Variants in TMEM123 observed in about 807,000 individuals in gnomAD.
TMEM123 encodes transmembrane protein 123, also known as porimin.
A neutral mutation model predicts 19.7 loss-of-function variants in TMEM123; 16 were observed. The ratio of observed to expected loss-of-function variants is 0.81; its 90% CI spans 0.55 to 1.23. TMEM123 has a LOEUF of 1.23. Ranked by LOEUF, TMEM123 falls within the 50% of genes most tolerant of loss-of-function variation. The pLI is 0.00. For missense variants in TMEM123, 313 were observed against 257.8 expected (o/e 1.21, Z -1.47); for synonymous variants, 118 against 99.4 (o/e 1.19, Z -1.12).
At chr11:102,448,391 T>C (rs2135867568) in intron 2 of TMEM123, 1 of 424,318 alleles carries the variant, frequency 2.4e-6, no homozygotes, top group Non-Finnish European at 4.7e-6. Context: ...GGGTGAAATG[T>C]AAGTAGGGTC....
rs777424940 is a variant in TMEM123 at position 102,402,204 on chromosome 11, T to A, written c.160A>T (p.Thr54Ser). ...PHNSSANSTE[T>S]LQHVPSDHTN... ...TGGTCAGAAGGCACATGTTGGAGAGTCTCTGCAATAATATCAAGAAACATT... is the reference window on the plus strand; with the variant it reads ...TGGTCAGAAGGCACATGTTGGAGAGACTCTGCAATAATATCAAGAAACATT... The change falls in exon 3 of 5, where the codon ACT becomes TCT. Residue 54 changes from threonine to serine, a missense_variant and splice_region_variant. Transcript: ENST00000398136. 1 of 1,612,688 alleles carries A rather than the reference T, an allele frequency of 6.2e-7. No individual in the cohort carries two copies. The highest frequency in any genetic ancestry group is 1.3e-5 in the African/African-American group (1 of 74,774).
At chr11:102,407,897 A>G (rs1951969689) in intron 2 of TMEM123, among the ~76,000 whole-genome samples, 2 of 152,204 alleles carry the variant, frequency 1.3e-5, no homozygotes, top group African/African-American at 4.8e-5. Flanking sequence ...AGCCCAAGCA[A>G]ATTAATACAC....
chr11:102,424,257 C>T (rs1952107956), intron 2 of TMEM123, among the ~76,000 whole-genome samples: 1 of 152,202 alleles, frequency 6.6e-6, no homozygotes. Flanking sequence ...GTAACTGTCT[C>T]ACAAGACTAT....
Position 102,401,652 on chromosome 11 carries a change from T to G in TMEM123, c.489A>C (p.Lys163Asn), listed in dbSNP as rs531201819. 6.2e-7 allele frequency: 1 copy of G among 1,607,192 alleles called. No individual in the cohort carries two copies. Among genetic ancestry groups the G allele is most frequent in the Non-Finnish European group, 8.5e-7 (1 of 1,178,456 alleles). The change falls in exon 4 of 5, where the codon AAA becomes AAC. Residue 163 changes from lysine (K) to asparagine (N), a missense_variant. Transcript: ENST00000398136. ...TMHSEAKKGSKFDTGSFVGGI... is the reference protein window; with the variant it reads ...TMHSEAKKGSNFDTGSFVGGI... ...CACCAACAAAGCTCCCAGTATCAAA[T>G]TTTGATCCTTTCTTTGCTTCAGAAT...
rs187188184 is a variant in TMEM123 at position 102,424,247 on chromosome 11, G to A, written c.158-22041C>T. Among the ~76,000 whole-genome samples, 22 of 152,326 alleles carry A rather than the reference G, an allele frequency of 1.4e-4. 1 individual carries two copies. The highest frequency in any genetic ancestry group is 7.7e-4 in the East Asian group (4 of 5,188). ...TATTTATAAAGAAACCTCTGAGCAT[G>A]TAACTGTCTCACAAGACTATGATTA... is the stretch of plus-strand genomic sequence containing the variant. On this transcript the variant is annotated intron_variant, in intron 2 of 4. Transcript: ENST00000398136.
rs1434001147 is a variant in TMEM123 at position 102,397,933 on chromosome 11, A to T, written c.*934T>A. On this transcript the variant is annotated 3_prime_UTR_variant, in exon 5 of 5. Coordinates refer to ENST00000398136, the MANE Select transcript of TMEM123 (RefSeq NM_052932.3). ...CTTAAAGTTAGGTGTGTTTACACTC[A>T]ATTAAAAATTTCTAGATATTGAAAG... 1 of 152,226 alleles carries T rather than the reference A, an allele frequency of 6.6e-6. No individual in the cohort carries two copies. Among genetic ancestry groups the T allele is most frequent in the Non-Finnish European group, 1.5e-5 (1 of 68,034 alleles). The allele number at this position is 152,226 out of a possible 1,614,324, so 9.4% of individuals were successfully genotyped here. A position where few individuals can be genotyped will look rare whatever the true frequency, so the allele number is the denominator to read the frequency against.
At chr11:102,409,589 G>A (rs546884878) in intron 2 of TMEM123, among the ~76,000 whole-genome samples, 200 of 152,154 alleles carry the variant, frequency 1.3e-3, no homozygotes, top group Non-Finnish European at 2.4e-3. Flanking sequence ...TAGACAGGCC[G>A]GGTGTGGTGG....
At chr11:102,434,133 G>A (rs937197708) in intron 2 of TMEM123, among the ~76,000 whole-genome samples, 1 of 151,826 alleles carries the variant, frequency 6.6e-6, no homozygotes, top group Non-Finnish European at 1.5e-5. Context: ...GGATCACATG[G>A]TAATTCTATT....
chr11:102,426,959 T>C (rs1039405682), intron 2 of TMEM123, among the ~76,000 whole-genome samples: 1 of 149,112 alleles, frequency 6.7e-6, no homozygotes, highest in Admixed American at 6.8e-5. Context: ...TGAAGTTCTA[T>C]AGTTGGGATA....
At chr11:102,448,769 C>A in intron 2 of TMEM123, 43 bp downstream of exon 2, 1 of 1,587,476 alleles carries the variant, frequency 6.3e-7, no homozygotes, top group South Asian at 1.1e-5. Flanking sequence ...TTCATGTACC[C>A]TAGACAAATG....
intron 2 of TMEM123, among the ~76,000 whole-genome samples, chr11:102,427,405 G>A (rs1199648031): frequency 1.3e-5 from 2 of 151,212 alleles, no homozygotes; most frequent in African/African-American, 4.9e-5. Context: ...AAGTGGAAGA[G>A]AAGGCAGAAG....
chr11:102,418,675 T>A (rs9704655), intron 2 of TMEM123, among the ~76,000 whole-genome samples: 1 of 152,068 alleles, frequency 6.6e-6, no homozygotes. Context: ...ATACCCAAAA[T>A]ATAAATCATT....
chr11:102,443,329 G>A (rs1337363081), intron 2 of TMEM123, among the ~76,000 whole-genome samples: 1 of 152,148 alleles, frequency 6.6e-6, no homozygotes, highest in African/African-American at 2.4e-5. Flanking sequence ...AAACAGCATT[G>A]TACTGGTACC....
chr11:102,438,004 A>G (rs1293719694), intron 2 of TMEM123, among the ~76,000 whole-genome samples: 2 of 151,944 alleles, frequency 1.3e-5, no homozygotes, highest in Non-Finnish European at 2.9e-5. Flanking sequence ...ACTTTTTTCC[A>G]CATCACCCTC....
At chr11:102,448,790 T>C in intron 2 of TMEM123, 22 bp downstream of exon 2, 1 of 1,612,058 alleles carries the variant, frequency 6.2e-7, no homozygotes, top group Non-Finnish European at 8.5e-7. Flanking sequence ...AAAATTTGTT[T>C]TTTTAATCTT....
chr11:102,427,214 T>C (rs923672724), intron 2 of TMEM123, among the ~76,000 whole-genome samples: 1 of 151,964 alleles, frequency 6.6e-6, no homozygotes, highest in South Asian at 2.1e-4. Context: ...TCTTAAACAA[T>C]ACATGCCTTT....
chr11:102,419,454 A>C (rs897950459), intron 2 of TMEM123, among the ~76,000 whole-genome samples: 3 of 152,172 alleles, frequency 2.0e-5, no homozygotes, highest in African/African-American at 7.2e-5. Flanking sequence ...TTTAAATGGT[A>C]CTCTAGCAAG....
chr11:102,401,957 G>GTTACGGTCATTGTGGA lies in TMEM123; in HGVS notation c.391_406dup (p.Thr136IlefsTer9). On this transcript the variant is annotated frameshift_variant, in exon 3 of 5. Transcript: ENST00000398136. LOFTEE classifies it high-confidence loss of function. The stretch of plus-strand genomic sequence containing the variant: ...AGCAGATGTCACTGAACTATTGTGG[G>GTTACGGTCATTGTGGA]TTACGGTCATTGTGGATGTTGATAT... The GTTACGGTCATTGTGGA allele has an allele frequency of 1.2e-6, 2 of 1,614,152 alleles. No individual in the cohort carries two copies. Among genetic ancestry groups the GTTACGGTCATTGTGGA allele is most frequent in the Non-Finnish European group, 1.7e-6 (2 of 1,180,010 alleles).
At chr11:102,446,499 G>A (rs1857884604) in intron 2 of TMEM123, among the ~76,000 whole-genome samples, 2 of 152,274 alleles carry the variant, frequency 1.3e-5, no homozygotes, top group Middle Eastern at 3.4e-3. Context: ...GTATAGGATT[G>A]GAGCATAAAC....
Sources: allele counts gnomAD v4.1 joint callset (sites outside exome capture counted in the v4.1 genomes callset), GRCh38; gene constraint gnomAD v4.1.1; transcripts MANE v1.5; gene names NCBI Gene and HGNC (gene_info 2026-07-23, HGNC 2026-07-21).